The following RTL9 variants were observed in gnomAD, a reference collection of about 807,000 sequenced individuals.
The protein encoded by RTL9 is retrotransposon Gag-like protein 9.
RTL9 carries 19 observed loss-of-function variants against 44.7 expected under a neutral mutation model. That is an observed-to-expected ratio of 0.42 (90% CI 0.30 to 0.62). The LOEUF is 0.62. Among genes scored for constraint, RTL9 ranks in the 20% least tolerant of loss-of-function variants. The probability of loss-of-function intolerance (pLI) is 0.16; values close to 1 mark genes in which losing one functional copy is unlikely to be tolerated. For missense variants in RTL9, 1,105 were observed against 1,080.6 expected (o/e 1.02, Z -0.32); for synonymous variants, 407 against 398.9 (o/e 1.02, Z -0.24).
At chrX:110,414,144 TTCC>T (rs2068660831), upstream of RTL9, among the ~76,000 whole-genome samples, 1 of 112,275 alleles carries the variant, frequency 8.9e-6, no homozygotes, top group Admixed American at 9.4e-5. Flanking sequence ...AACTGACAGT[TTCC>T]TCCTCTGTGC....
exon 1 of RTL9, chrX:110,453,700 C>T (rs1300092450): frequency 8.3e-6 from 10 of 1,211,671 alleles, no homozygotes; most frequent in Non-Finnish European, 1.1e-5. Flanking sequence ...GGAGCAAGGT[C>T]CACATCATTT....
exon 1 of RTL9, chrX:110,454,441 T>A: frequency 8.3e-7 from 1 of 1,211,993 alleles, no homozygotes; most frequent in East Asian, 3.0e-5. Context: ...ACCAGGTTTC[T>A]GGAAGGACTC....
intron 1 of RTL9, 26 bp downstream of exon 3, chrX:110,454,690 G>GT (rs2068970169): frequency 8.9e-7 from 1 of 1,128,201 alleles, no homozygotes; most frequent in Non-Finnish European, 1.2e-6. Flanking sequence ...TCCGCTGAAG[G>GT]TTTTTGAGCA....
intron 1 of RTL9, among the ~76,000 whole-genome samples, chrX:110,359,208 T>C (rs1448536328): frequency 9.0e-6 from 1 of 111,155 alleles, no homozygotes; most frequent in African/African-American, 3.3e-5. Context: ...CAACAGAAAC[T>C]TGATTTTTCT....
intron 1 of RTL9, among the ~76,000 whole-genome samples, chrX:110,428,344 C>G (rs372696549): frequency 1.8e-5 from 2 of 112,049 alleles, no homozygotes; most frequent in African/African-American, 6.5e-5. Flanking sequence ...ATCTGCCTCC[C>G]TCACTGAACT....
At chrX:110,454,635 G>C in exon 1 of RTL9, 1 of 1,199,920 alleles carries the variant, frequency 8.3e-7, no homozygotes. Flanking sequence ...CATGGGGAAT[G>C]AACTGAGCTC....
At chrX:110,451,281 C>T (rs2068938636) in exon 1 of RTL9, 3 of 1,211,640 alleles carry the variant, frequency 2.5e-6, no homozygotes, top group East Asian at 3.0e-5. Flanking sequence ...ACAGCCAGTG[C>T]CAGCTCCCAG....
At chrX:110,449,382 A>G (rs185085893), upstream of RTL9, among the ~76,000 whole-genome samples, 4 of 112,680 alleles carry the variant, frequency 3.5e-5, no homozygotes, top group East Asian at 1.1e-3. Context: ...AGGTTTTCTC[A>G]TTATTATGGA....
At chrX:110,394,752 A>G (rs939797903) in intron 1 of RTL9, among the ~76,000 whole-genome samples, 2 of 112,463 alleles carry the variant, frequency 1.8e-5, no homozygotes, top group Admixed American at 1.9e-4. Flanking sequence ...TGGATGACTC[A>G]CTTAACCTCT....
At chrX:110,373,604 G>T (rs754470631) in intron 1 of RTL9, among the ~76,000 whole-genome samples, 11 of 112,335 alleles carry the variant, frequency 9.8e-5, no homozygotes, top group Admixed American at 1.9e-4. Context: ...CAAGAAATGG[G>T]AGAATTATGT....
chrX:110,434,596 G>A (rs2068822532), intron 1 of RTL9, among the ~76,000 whole-genome samples: 1 of 111,815 alleles, frequency 8.9e-6, no homozygotes, highest in African/African-American at 3.3e-5. Flanking sequence ...TGGGTCCGTG[G>A]TGATACTGTC....
At chrX:110,376,969 C>T (rs2068381083) in intron 1 of RTL9, among the ~76,000 whole-genome samples, 1 of 111,759 alleles carries the variant, frequency 8.9e-6, no homozygotes, top group African/African-American at 3.3e-5. Context: ...CCGGACCCAC[C>T]TAGGGGCATG....
intron 1 of RTL9, among the ~76,000 whole-genome samples, chrX:110,381,445 T>A (rs5985462): frequency 0.039 from 4,325 of 111,387 alleles, 160 homozygotes; most frequent in African/African-American, 0.12. Context: ...GAGGTTGCAG[T>A]GAAAAGGGAA....
At chrX:110,431,490 A>G (rs1489363264) in intron 1 of RTL9, among the ~76,000 whole-genome samples, 2 of 110,026 alleles carry the variant, frequency 1.8e-5, no homozygotes, top group African/African-American at 6.6e-5. Flanking sequence ...TTTTCTTTAT[A>G]TAAACAATTT....
At chrX:110,384,049 A>G (rs769054025) in intron 1 of RTL9, among the ~76,000 whole-genome samples, 1 of 112,028 alleles carries the variant, frequency 8.9e-6, no homozygotes, top group African/African-American at 3.2e-5. Flanking sequence ...ATACATCATC[A>G]TTTCTTCTAT....
chrX:110,405,099 C>G lies in RTL9; in HGVS notation c.-167-40054C>G, dbSNP rs776491130. ...GTGTGCTTGTTGTGTCCCCCCCCCC[C>G]CCAAGCATGAGTCAGAGCCTTTCAT... On this transcript the variant is annotated intron_variant, in intron 1 of 2. Coordinates refer to the RTL9 transcript ENST00000520821. Among the ~76,000 whole-genome samples the G allele has an allele frequency of 1.5e-3, 157 of 101,303 alleles. 1 individual carries two copies. Among genetic ancestry groups the G allele is most frequent in the East Asian group, 8.4e-3 (26 of 3,105 alleles). 88.0% of individuals were successfully genotyped at this position (101,303 alleles called of 115,157 possible). A position where few individuals can be genotyped will look rare whatever the true frequency, so the allele number is the denominator to read the frequency against.
chrX:110,397,173 T>C (rs1464404293), intron 1 of RTL9, among the ~76,000 whole-genome samples: 1 of 111,219 alleles, frequency 9.0e-6, no homozygotes, highest in African/African-American at 3.3e-5. Context: ...AAAGACTTAC[T>C]CTTAGATGCT....
upstream of RTL9, among the ~76,000 whole-genome samples, chrX:110,448,236 T>C (rs1040797738): frequency 2.7e-5 from 3 of 111,135 alleles, no homozygotes; most frequent in Non-Finnish European, 3.8e-5. Flanking sequence ...CCAAACCCTC[T>C]TTCCCTGCAC....
At chrX:110,450,026 T>G (rs2068929541), upstream of RTL9, among the ~76,000 whole-genome samples, 1 of 111,893 alleles carries the variant, frequency 8.9e-6, no homozygotes, top group Non-Finnish European at 1.9e-5. Context: ...GTTCATGGAA[T>G]GTTGCTCTCA....
Sources: allele counts gnomAD v4.1 joint callset (sites outside exome capture counted in the v4.1 genomes callset), GRCh38; gene constraint gnomAD v4.1.1; transcripts MANE v1.5; gene names NCBI Gene and HGNC (gene_info 2026-07-23, HGNC 2026-07-21).